EPHA2: variants seen among roughly 807,000 people sequenced by gnomAD.
EPHA2 encodes EPH receptor A2.
In EPHA2, 54 loss-of-function variants were observed where a neutral mutation model predicts 104.9. That is an observed-to-expected ratio of 0.51 (90% CI 0.41 to 0.65). EPHA2 has a LOEUF of 0.65. Among genes scored for constraint, EPHA2 ranks in the 30% least tolerant of loss-of-function variants. The probability of loss-of-function intolerance (pLI) is 0.00; values close to 1 mark genes in which losing one functional copy is unlikely to be tolerated. For missense variants in EPHA2, 1,117 were observed against 1,369.5 expected, an observed-to-expected ratio of 0.82 and a Z score of 2.91; for synonymous variants, 560 against 559.1, an observed-to-expected ratio of 1.00 and a Z score of -0.02.
intron 1 of EPHA2, chr1:16,153,403 G>C: frequency 2.3e-6 from 2 of 869,260 alleles, no homozygotes; most frequent in Non-Finnish European, 2.8e-6. Flanking sequence ...ACAGAGGGCA[G>C]ACTTGGCCCC....
chr1:16,125,359 G>C lies in EPHA2; in HGVS notation c.2826-39C>G. On this transcript the variant is annotated intron_variant, in intron 16 of 16. Transcript: ENST00000358432. This position sits in a 1 kb window ranked among gnomAD's most constrained non-coding sequence, Gnocchi z 4.9. ...GGGAGAGAGGGAGAGTTAGGGGCTG[G>C]AGCAGGGGAGGGGGCCGGGCTGGGT... The C allele has an allele frequency of 8.7e-7, 1 of 1,142,864 alleles. No individual in the cohort carries two copies. 70.8% of individuals were successfully genotyped at this position (1,142,864 alleles called of 1,614,324 possible).
intron 9 of EPHA2, 36 bp downstream of exon 9, chr1:16,133,808 AGCTGGGGACGGTGCGG>A: frequency 6.6e-7 from 1 of 1,512,032 alleles, no homozygotes; most frequent in Non-Finnish European, 8.9e-7. Flanking sequence ...TCCCCCACAG[AGCTGGGGACGGTGCGG>A]GCAGGGCTGG....
chr1:16,151,073 A>G, intron 1 of EPHA2, 110 bp from the exon 2 acceptor site: 2 of 1,027,546 alleles, frequency 1.9e-6, no homozygotes, highest in South Asian at 2.6e-5. Context: ...ACAGAGCGAG[A>G]GGGACCCCAC....
At chr1:16,149,984 GC>G (rs1341859795) in intron 2 of EPHA2, among the ~76,000 whole-genome samples, 1 of 152,198 alleles carries the variant, frequency 6.6e-6, no homozygotes, top group Non-Finnish European at 1.5e-5. Context: ...GGCCCTACAT[GC>G]CCTTGGGCCT....
intron 13 of EPHA2, 58 bp downstream of exon 13, chr1:16,132,006 G>A (rs2124200008): frequency 1.2e-6 from 2 of 1,612,770 alleles, no homozygotes; most frequent in East Asian, 2.2e-5. Context: ...GTGCAGGTGA[G>A]AGGACACCAT....
intron 1 of EPHA2, among the ~76,000 whole-genome samples, chr1:16,152,356 C>T (rs901943950): frequency 2.0e-5 from 3 of 152,152 alleles, no homozygotes; most frequent in African/African-American, 7.2e-5. Context: ...CTGAAGGCCC[C>T]CAGGCTGGGG....
chr1:16,133,974 G>C, intron 8 of EPHA2, 59 bp from the exon 9 acceptor site: 1 of 1,529,506 alleles, frequency 6.5e-7, no homozygotes, highest in Non-Finnish European at 8.8e-7. Flanking sequence ...GCTCCGGCCA[G>C]GGAAGCCTCC....
Position 16,128,843 on chromosome 1 carries a change from G to A in EPHA2, c.2825+591C>T, listed in dbSNP as rs1351417480. 6.6e-6 allele frequency among the ~76,000 whole-genome samples: 1 copy of A among 152,124 alleles called. No homozygotes were observed. The highest frequency in any genetic ancestry group is 1.5e-5 in the Non-Finnish European group (1 of 68,026). On this transcript the variant is annotated intron_variant, in intron 16 of 16. Transcript: ENST00000358432. This position sits in a 1 kb window ranked among gnomAD's most constrained non-coding sequence, Gnocchi z 4.7. ...CAACCAAGTGGAGAGAGGTGCCCGG[G>A]GTAGGCCAGGGGTTCTCTCTCCTGG...
At chr1:16,136,757 A>AGAAGAG (rs2024713726) in intron 5 of EPHA2, among the ~76,000 whole-genome samples, 1 of 145,652 alleles carries the variant, frequency 6.9e-6, no homozygotes, top group African/African-American at 2.7e-5. Flanking sequence ...AAGAAGAAGA[A>AGAAGAG]GAAGAAGAAG....
In EPHA2 at chr1:16,132,410, T is replaced by C. The variant is rs1362609703; in HGVS notation, c.2083A>G (p.Met695Val). The change falls in exon 12 of 17, where the codon ATG becomes GTG. Residue 695 changes from methionine (M) to valine (V), a missense_variant. This residue lies in a region of EPHA2 where 340 missense variants were observed against 480.5 expected (regional missense o/e 0.71). Transcript: ENST00000358432. ...AACTTGTCCAGGGCCCCATTCTCCATGTACTCAGTGATGATCATCATGGGC... is the reference window on the plus strand; with the variant it reads ...AACTTGTCCAGGGCCCCATTCTCCACGTACTCAGTGATGATCATCATGGGC... ...YKPMMIITEY[M>V]ENGALDKFLR... The C allele has an allele frequency of 1.9e-5, 31 of 1,613,966 alleles. No individual in the cohort carries two copies. Among genetic ancestry groups the C allele is most frequent in the Non-Finnish European group, 2.5e-5 (30 of 1,179,988 alleles).
At position 16,131,007 on chromosome 1, in the gene EPHA2, C is replaced by T. The variant is rs1472186426; in HGVS notation, c.2476-588G>A. 3.9e-5 allele frequency among the ~76,000 whole-genome samples: 6 copies of T among 152,128 alleles called. No individual in the cohort carries two copies. Among genetic ancestry groups the T allele is most frequent in the Admixed American group, 6.5e-5 (1 of 15,278 alleles). On this transcript the variant is annotated intron_variant, in intron 14 of 16. Coordinates refer to ENST00000358432, the MANE Select transcript of EPHA2 (RefSeq NM_004431.5). The surrounding 1 kb of genome is among the most constrained non-coding windows in gnomAD (Gnocchi z 5.2). The stretch of plus-strand genomic sequence containing the variant: ...CCTCAGCCCAGCCTCCCTCCCATCT[C>T]TCTTCCCCTCCCTCTCATCTGGCTG...
At chr1:16,132,524 A>T in intron 11 of EPHA2, 85 bp from the exon 12 acceptor site, 3 of 1,350,232 alleles carry the variant, frequency 2.2e-6, no homozygotes, top group East Asian at 2.8e-5. Context: ...AGGTGGGCAC[A>T]GGTGTAGGAG....
chr1:16,151,840 T>C (rs1283013090), intron 1 of EPHA2, among the ~76,000 whole-genome samples: 2 of 152,276 alleles, frequency 1.3e-5, no homozygotes, highest in East Asian at 3.9e-4. Flanking sequence ...GACCATCCTG[T>C]TCCCAGAGAG....
intron 3 of EPHA2, among the ~76,000 whole-genome samples, chr1:16,143,616 G>A (rs1298580240): frequency 2.6e-5 from 4 of 152,102 alleles, no homozygotes; most frequent in Non-Finnish European, 4.4e-5. Flanking sequence ...TTATCGTGAC[G>A]CAAGTCCAGC....
chr1:16,146,909 C>A (rs2024944596), intron 3 of EPHA2, among the ~76,000 whole-genome samples: 1 of 152,164 alleles, frequency 6.6e-6, no homozygotes, highest in Admixed American at 6.5e-5. Flanking sequence ...AAAGGAAACC[C>A]AAGACCAGAG....
rs767907451 is a variant in EPHA2, at chr1:16,137,932, G to A, written c.1233C>T (p.Thr411=). The A allele has an allele frequency of 1.7e-5, 28 of 1,614,154 alleles. No individual in the cohort carries two copies. Among genetic ancestry groups the A allele is most frequent in the South Asian group, 8.8e-5 (8 of 91,092 alleles). ...DLEPHMNYTF[T]VEARNGVSGL... is the part of the protein sequence containing the mutation. Reference sequence around the variant, plus strand: ...CTGAGACGCCATTGCGGGCCTCCACGGTGAAGGTGTAGTTCATGTGGGGCT... The same window carrying A: ...CTGAGACGCCATTGCGGGCCTCCACAGTGAAGGTGTAGTTCATGTGGGGCT... Residue 411 remains threonine, a synonymous_variant, in exon 5 of 17, where the codon ACC becomes ACT. Transcript: ENST00000358432.
chr1:16,125,191 TG>T lies in EPHA2; in HGVS notation c.*23del. ...TGTTTCTTCAAGTATTCTTGGCCGA[TG>T]GGGCTCCAGGCCCTGTCGAGGCTCA... On this transcript the variant is annotated 3_prime_UTR_variant, in exon 17 of 17. Transcript: ENST00000358432. This position sits in a 1 kb window ranked among gnomAD's most constrained non-coding sequence, Gnocchi z 4.9. 1 of 1,607,784 alleles carries T rather than the reference TG, an allele frequency of 6.2e-7. No homozygotes were observed. The highest frequency in any genetic ancestry group is 1.3e-5 in the African/African-American group (1 of 74,922).
chr1:16,133,775 G>A, intron 9 of EPHA2, 85 bp downstream of exon 9: 1 of 1,494,524 alleles, frequency 6.7e-7, no homozygotes, highest in Non-Finnish European at 9.0e-7. Flanking sequence ...CAGTGCCCTG[G>A]GAACACCCTG....
chr1:16,147,614 C>G (rs1282873859), intron 3 of EPHA2, among the ~76,000 whole-genome samples: 1 of 151,606 alleles, frequency 6.6e-6, no homozygotes, highest in Non-Finnish European at 1.5e-5. Context: ...AAAATAACAG[C>G]CACATTTAAA....
Sources: gnomAD v4.1 joint callset for allele counts (sites outside exome capture counted in the v4.1 genomes callset) on GRCh38, gnomAD v4.1.1 for gene constraint, gnomAD v4.1.1 regional missense constraint, Gnocchi (gnomAD v3.1) non-coding constraint, MANE v1.5 for transcripts, NCBI Gene and HGNC (gene_info 2026-07-23, HGNC 2026-07-21) for gene names.